The following SLIT3 variants were observed in gnomAD, a reference collection of about 807,000 sequenced individuals.
SLIT3 encodes the protein slit guidance ligand 3.
SLIT3 carries 68 observed loss-of-function variants against 184.0 expected under a neutral mutation model. That is an observed-to-expected ratio of 0.37 (90% CI 0.30 to 0.45). The LOEUF (loss-of-function observed/expected upper bound fraction) is 0.45. Among genes scored for constraint, SLIT3 ranks in the 20% least tolerant of loss-of-function variants. The pLI, the probability that SLIT3 is intolerant of heterozygous loss-of-function variation, is 1.00. For missense variants in SLIT3, 1,707 were observed against 2,026.0 expected (o/e 0.84, Z 3.02); for synonymous variants, 831 against 828.6 (o/e 1.00, Z -0.05).
At chr5:168,721,350 G>T (rs1762935220) in intron 23 of SLIT3, among the ~76,000 whole-genome samples, 1 of 152,218 alleles carries the variant, frequency 6.6e-6, no homozygotes, top group African/African-American at 2.4e-5. Flanking sequence ...TGTGATATAA[G>T]AATAATAACA....
chr5:169,116,639 C>T (rs1233571728), intron 4 of SLIT3, among the ~76,000 whole-genome samples: 2 of 152,178 alleles, frequency 1.3e-5, no homozygotes, highest in Non-Finnish European at 2.9e-5. Context: ...AGATGATAGT[C>T]CATGCACATG....
intron 4 of SLIT3, among the ~76,000 whole-genome samples, chr5:168,963,845 T>G (rs941954629): frequency 8.5e-5 from 13 of 152,352 alleles, no homozygotes; most frequent in African/African-American, 3.1e-4. Flanking sequence ...ACATTTAGTT[T>G]AAGTAAAAAC....
At chr5:168,857,574 C>T (rs971685809) in intron 5 of SLIT3, among the ~76,000 whole-genome samples, 1 of 152,174 alleles carries the variant, frequency 6.6e-6, no homozygotes, top group South Asian at 2.1e-4. Flanking sequence ...CAAGAGCTGG[C>T]ACTCAGGGCT....
intron 4 of SLIT3, among the ~76,000 whole-genome samples, chr5:169,039,444 G>A (rs1420877308): frequency 6.6e-6 from 1 of 151,662 alleles, no homozygotes. Flanking sequence ...AGCCTCCTGA[G>A]TAGCTAGGAC....
chr5:168,958,289 T>C (rs1762897600), intron 4 of SLIT3, among the ~76,000 whole-genome samples: 1 of 152,206 alleles, frequency 6.6e-6, no homozygotes, highest in African/African-American at 2.4e-5. Context: ...TGCACATCAG[T>C]ATCTAACTGG....
intron 32 of SLIT3, among the ~76,000 whole-genome samples, chr5:168,676,146 CTTAT>C (rs1233744092): frequency 2.7e-5 from 4 of 149,034 alleles, no homozygotes; most frequent in South Asian, 2.2e-4. Flanking sequence ...TACCCACCTA[CTTAT>C]TTATCTACTC....
At chr5:168,833,185 A>G (rs1164867933) in intron 6 of SLIT3, among the ~76,000 whole-genome samples, 2 of 152,274 alleles carry the variant, frequency 1.3e-5, no homozygotes, top group Non-Finnish European at 2.9e-5. Context: ...CATGCTACTC[A>G]TTAGTTCTGT....
intron 4 of SLIT3, among the ~76,000 whole-genome samples, chr5:169,060,195 G>A (rs1047432441): frequency 4.6e-5 from 7 of 152,200 alleles, no homozygotes; most frequent in African/African-American, 1.7e-4. Flanking sequence ...CTCAAGACCA[G>A]CTTGGTCAAC....
At chr5:168,712,503 G>C (rs1762589298) in intron 23 of SLIT3, 149 bp from the exon 24 acceptor site, 1 of 674,952 alleles carries the variant, frequency 1.5e-6, no homozygotes, top group South Asian at 1.7e-5. Context: ...CTTTGCTCTG[G>C]GTGCATGAAT....
intron 11 of SLIT3, 126 bp from the exon 12 acceptor site, chr5:168,786,104 T>C: frequency 1.5e-6 from 1 of 657,662 alleles, no homozygotes; most frequent in Non-Finnish European, 2.7e-6. Context: ...TTCCACGGCC[T>C]GCCTAATCCC....
intron 1 of SLIT3, among the ~76,000 whole-genome samples, chr5:169,273,468 G>A (rs1454299001): frequency 6.6e-6 from 1 of 152,198 alleles, no homozygotes; most frequent in Non-Finnish European, 1.5e-5. Flanking sequence ...AAATGCTCTA[G>A]GTCAGTGATT....
intron 4 of SLIT3, among the ~76,000 whole-genome samples, chr5:169,140,538 C>T (rs1761692154): frequency 6.9e-6 from 1 of 144,278 alleles, no homozygotes; most frequent in Non-Finnish European, 1.5e-5. Context: ...CGGTGGCTCA[C>T]ATCCACCTGT....
chr5:168,791,555 A>G (rs1756370126), intron 10 of SLIT3: 1 of 152,238 alleles, frequency 6.6e-6, no homozygotes, highest in Non-Finnish European at 1.5e-5. Flanking sequence ...GTTACAGATC[A>G]AACTCCTTGT....
chr5:168,873,285 A>T (rs1401612099), intron 5 of SLIT3, among the ~76,000 whole-genome samples: 2 of 152,106 alleles, frequency 1.3e-5, no homozygotes, highest in Non-Finnish European at 2.9e-5. Flanking sequence ...TACCTAGAGG[A>T]TAAGCAACTT....
chr5:169,299,816 T>C (rs893088479), intron 1 of SLIT3, among the ~76,000 whole-genome samples: 2 of 152,162 alleles, frequency 1.3e-5, no homozygotes, highest in African/African-American at 4.8e-5. Flanking sequence ...ATTATAACGC[T>C]CGGTCTCATT....
chr5:169,197,012 G>T (rs998498271), intron 3 of SLIT3, among the ~76,000 whole-genome samples: 4 of 152,152 alleles, frequency 2.6e-5, no homozygotes, highest in African/African-American at 9.7e-5. Flanking sequence ...AACCCAGCTT[G>T]CTGCTGTCTT....
intron 25 of SLIT3, among the ~76,000 whole-genome samples, chr5:168,708,994 G>A (rs1762462964): frequency 6.6e-6 from 1 of 152,160 alleles, no homozygotes; most frequent in Non-Finnish European, 1.5e-5. Flanking sequence ...GGGGCTGAGG[G>A]GGTTTGCAGG....
At chr5:168,690,359 C>A (rs1761869230) in intron 29 of SLIT3, among the ~76,000 whole-genome samples, 1 of 152,058 alleles carries the variant, frequency 6.6e-6, no homozygotes, top group South Asian at 2.1e-4. Flanking sequence ...GGCCCCTAGA[C>A]CACTTCTGAC....
At chr5:168,875,193 GA>G (rs1759686013) in intron 5 of SLIT3, among the ~76,000 whole-genome samples, 1 of 132,208 alleles carries the variant, frequency 7.6e-6, no homozygotes, top group Non-Finnish European at 1.6e-5. Flanking sequence ...GACAGAGGGG[GA>G]AGAGAGAAAG....
Sources: gnomAD v4.1 joint callset for allele counts (sites outside exome capture counted in the v4.1 genomes callset) on GRCh38, gnomAD v4.1.1 for gene constraint, MANE v1.5 for transcripts, NCBI Gene and HGNC (gene_info 2026-07-23, HGNC 2026-07-21) for gene names.